The following NT5DC3 variants were observed in gnomAD, a reference collection of about 807,000 sequenced individuals.
NT5DC3 encodes 5'-nucleotidase domain containing 3.
A neutral mutation model predicts 67.8 loss-of-function variants in NT5DC3; 42 were observed. The ratio of observed to expected loss-of-function variants is 0.62; its 90% CI spans 0.48 to 0.80. The LOEUF is 0.80. Among genes scored for constraint, NT5DC3 ranks in the 30% least tolerant of loss-of-function variants. The pLI, the probability that NT5DC3 is intolerant of heterozygous loss-of-function variation, is 0.00. For synonymous variants in NT5DC3, 237 were observed against 255.6 expected (o/e 0.93, Z 0.69); for missense variants, 570 against 696.4 (o/e 0.82, Z 2.04).
intron 1 of NT5DC3, among the ~76,000 whole-genome samples, chr12:103,816,091 T>C (rs891244085): frequency 2.6e-5 from 4 of 152,196 alleles, no homozygotes; most frequent in Admixed American, 2.6e-4. Flanking sequence ...CCTACACTTT[T>C]TGAGAACAAA....
intron 2 of NT5DC3, among the ~76,000 whole-genome samples, chr12:103,809,171 A>C (rs1445333609): frequency 1.3e-5 from 2 of 152,244 alleles, no homozygotes; most frequent in Admixed American, 1.3e-4. Context: ...TGACAGCAGC[A>C]CCTGCCACCT....
chr12:103,794,013 T>C lies in NT5DC3; in HGVS notation c.754-16A>G, dbSNP rs1886188092. ...GAATTGAATCCTGCCAAAAGATACA[T>C]TTTTAATCAGCGAAAATACAACTGA... On this transcript the variant is annotated splice_polypyrimidine_tract_variant and intron_variant, in intron 6 of 13. Transcript: ENST00000392876. 3 of 1,609,130 alleles carry C rather than the reference T, an allele frequency of 1.9e-6. No homozygotes were observed. The highest frequency in any genetic ancestry group is 2.6e-6 in the Non-Finnish European group (3 of 1,175,536).
chr12:103,807,181 C>A (rs978392645), intron 2 of NT5DC3, among the ~76,000 whole-genome samples: 1 of 152,196 alleles, frequency 6.6e-6, no homozygotes, highest in Non-Finnish European at 1.5e-5. Context: ...CATTCTCTCC[C>A]CTGCCAACTT....
chr12:103,787,432 GCCCC>G lies in NT5DC3; in HGVS notation c.1188+5_1188+8del. The G allele has an allele frequency of 6.7e-7, 1 of 1,489,282 alleles. No individual in the cohort carries two copies. The allele number at this position is 1,489,282 out of a possible 1,614,324, so 92.3% of individuals were successfully genotyped here. A position where few individuals can be genotyped will look rare whatever the true frequency, so the allele number is the denominator to read the frequency against. ...CTGTCCCCCAACAAAGGAAAAAAGG[GCCCC>G]TCACCGCCAGGTCACTGTATATATG... is the stretch of plus-strand genomic sequence containing the variant. On this transcript the variant is annotated splice_donor_5th_base_variant and intron_variant, in intron 11 of 13. Coordinates refer to ENST00000392876, the MANE Select transcript of NT5DC3 (RefSeq NM_001031701.3).
At chr12:103,782,770 T>G (rs1885608174) in intron 12 of NT5DC3, among the ~76,000 whole-genome samples, 1 of 152,178 alleles carries the variant, frequency 6.6e-6, no homozygotes, top group Non-Finnish European at 1.5e-5. Context: ...TGACACTCTG[T>G]GAGGTCAGGA....
chr12:103,835,143 T>C (rs1208276143), intron 1 of NT5DC3, among the ~76,000 whole-genome samples: 1 of 152,168 alleles, frequency 6.6e-6, no homozygotes, highest in Non-Finnish European at 1.5e-5. Flanking sequence ...TGTTGAACCC[T>C]CCCTATCAGA....
At chr12:103,829,460 TG>T (rs1478022643) in intron 1 of NT5DC3, among the ~76,000 whole-genome samples, 2 of 152,270 alleles carry the variant, frequency 1.3e-5, no homozygotes, top group African/African-American at 2.4e-5. Context: ...TGGTTTTCTT[TG>T]GTTACCATTT....
At chr12:103,764,384 G>A in the NT5DC3 span, among the ~76,000 whole-genome samples, 1 of 152,148 alleles carries the variant, frequency 6.6e-6, no homozygotes, top group South Asian at 2.1e-4. Context: ...ATGGGTGGGT[G>A]TTCTGCTCTG....
intron 6 of NT5DC3, among the ~76,000 whole-genome samples, chr12:103,796,046 C>G (rs1315994862): frequency 2.0e-5 from 3 of 152,218 alleles, no homozygotes; most frequent in Non-Finnish European, 4.4e-5. Flanking sequence ...TATATGCTCA[C>G]GTAAACATTT....
At chr12:103,760,545 G>A in the NT5DC3 span, among the ~76,000 whole-genome samples, 1 of 152,158 alleles carries the variant, frequency 6.6e-6, no homozygotes, top group South Asian at 2.1e-4. Flanking sequence ...ACAGGGGTGA[G>A]CTACCATGCC....
rs191298740 is a variant in NT5DC3, at chr12:103,813,685, C to G, written c.393+1252G>C. Among the ~76,000 whole-genome samples the G allele has an allele frequency of 3.2e-4, 48 of 152,202 alleles. No individual in the cohort carries two copies. In the East Asian group the frequency reaches 8.7e-3, roughly 28 times the overall value. ...CCACCTGGGGTAACATCTTCAAGGC[C>G]TCACATTTGAGAGAAACAAACCAGA... On this transcript the variant is annotated intron_variant, in intron 2 of 13. Transcript: ENST00000392876.
chr12:103,799,821 T>A (rs1338301881), intron 4 of NT5DC3, among the ~76,000 whole-genome samples: 1 of 110,510 alleles, frequency 9.0e-6, no homozygotes, highest in Non-Finnish European at 1.9e-5. Context: ...AAAAAAAGAT[T>A]TGTGAAGTCA....
At chr12:103,800,402 G>A (rs1481931706) in intron 4 of NT5DC3, among the ~76,000 whole-genome samples, 3 of 152,258 alleles carry the variant, frequency 2.0e-5, no homozygotes, top group Non-Finnish European at 2.9e-5. Flanking sequence ...AGCCCTTGCT[G>A]AGTAGCAGCA....
Position 103,831,754 on chromosome 12 carries a change from C to T in NT5DC3, c.208+9195G>A, listed in dbSNP as rs1034874538. ...CACACCTTCAAGGCTGGTCATCATT[C>T]GGGTTTCAGCATCCTCTTTTTTTTT... On this transcript the variant is annotated intron_variant, in intron 1 of 13. Transcript: ENST00000392876. Among the ~76,000 whole-genome samples the T allele has an allele frequency of 2.0e-5, 3 of 147,264 alleles. No homozygotes were observed. In the South Asian group the frequency reaches 6.6e-4, roughly 32 times the overall value.
intron 4 of NT5DC3, among the ~76,000 whole-genome samples, chr12:103,804,248 T>G (rs543156487): frequency 6.6e-6 from 1 of 152,106 alleles, no homozygotes; most frequent in Admixed American, 6.5e-5. Flanking sequence ...AAGACATCAA[T>G]AGACAAGACA....
chr12:103,755,605 C>T, the NT5DC3 span: 1 of 1,614,042 alleles, frequency 6.2e-7, no homozygotes, highest in Non-Finnish European at 8.5e-7. Context: ...GTGCCTCTGC[C>T]CTCCAGATGT....
At chr12:103,746,949 C>CTTTTTTTTTTTTTTTTTTTTTTCTTT in the NT5DC3 span, among the ~76,000 whole-genome samples, 1 of 96,078 alleles carries the variant, frequency 1.0e-5, no homozygotes. Context: ...GTTTTTCTTT[C>CTTTTTTTTTTTTTTTTTTTTTTCTTT]TTTTTTTTTT....
downstream of NT5DC3, chr12:103,770,646 G>C (rs1017833878): frequency 6.6e-6 from 1 of 152,298 alleles, no homozygotes; most frequent in African/African-American, 2.4e-5. Flanking sequence ...ATGTTACCCA[G>C]GCTGGTCTCA....
downstream of NT5DC3, among the ~76,000 whole-genome samples, chr12:103,768,060 C>A (rs1885060155): frequency 6.9e-6 from 1 of 144,562 alleles, no homozygotes; most frequent in Non-Finnish European, 1.5e-5. Flanking sequence ...TGCACTCCAG[C>A]CTGGGCAACA....
Sources: gnomAD v4.1 joint callset for allele counts (sites outside exome capture counted in the v4.1 genomes callset) on GRCh38, gnomAD v4.1.1 for gene constraint, MANE v1.5 for transcripts, NCBI Gene and HGNC (gene_info 2026-07-23, HGNC 2026-07-21) for gene names.